GSDMC: variants seen among roughly 807,000 people sequenced by gnomAD.
The protein encoded by GSDMC is gasdermin-C.
Under a neutral mutation model 58.0 loss-of-function variants are expected in GSDMC, and 59 were observed. The ratio of observed to expected loss-of-function variants is 1.02; its 90% CI spans 0.82 to 1.26. The LOEUF is 1.26. GSDMC is among the 50% of genes most tolerant of loss of function. GSDMC has a pLI of 0.00. For synonymous variants in GSDMC, 241 were observed against 220.2 expected (o/e 1.09, Z -0.83); for missense variants, 659 against 598.5 (o/e 1.10, Z -1.06).
chr8:129,713,308 C>G, the GSDMC span, among the ~76,000 whole-genome samples: 1 of 152,324 alleles, frequency 6.6e-6, no homozygotes, highest in Admixed American at 6.5e-5. Context: ...GGTGATGTGA[C>G]TGGCCGTGGG....
the GSDMC span, among the ~76,000 whole-genome samples, chr8:129,712,051 GT>G: frequency 1.3e-5 from 2 of 152,180 alleles, no homozygotes; most frequent in Non-Finnish European, 2.9e-5. Context: ...GAGCCCAGGA[GT>G]TTGAGGCCTG....
At chr8:129,750,911 G>T (rs1286929771) in intron 10 of GSDMC, among the ~76,000 whole-genome samples, 1 of 152,148 alleles carries the variant, frequency 6.6e-6, no homozygotes, top group East Asian at 1.9e-4. Flanking sequence ...GGGCCTTAGA[G>T]GCAAAAAACT....
the GSDMC span, chr8:129,729,206 T>A: frequency 3.1e-6 from 2 of 650,786 alleles, no homozygotes; most frequent in East Asian, 3.1e-5. Flanking sequence ...ATTTAAAAGA[T>A]GGCATTTTGA....
chr8:129,737,421 T>C, the GSDMC span, among the ~76,000 whole-genome samples: 2 of 152,150 alleles, frequency 1.3e-5, no homozygotes, highest in Non-Finnish European at 2.9e-5. Flanking sequence ...CAAAACAGCA[T>C]GGTACTGTTA....
intron 6 of GSDMC, among the ~76,000 whole-genome samples, chr8:129,754,514 GA>G (rs2033352102): frequency 6.6e-6 from 1 of 151,950 alleles, no homozygotes; most frequent in Non-Finnish European, 1.5e-5. Context: ...AGCCTGAGAA[GA>G]CTAAAATAAA....
In GSDMC at chr8:129,748,449, A is replaced by G; in HGVS notation, c.*52T>C. 3.9e-6 allele frequency: 6 copies of G among 1,547,494 alleles called. No individual in the cohort carries two copies. The highest frequency in any genetic ancestry group is 5.2e-6 in the Non-Finnish European group (6 of 1,149,390). The stretch of plus-strand genomic sequence containing the variant: ...TTGCACCCATAAGGACACTCACAGC[A>G]TAGACTGGGCGAGGGCCAGCATCTC... On this transcript the variant is annotated 3_prime_UTR_variant, in exon 14 of 14. Coordinates refer to ENST00000276708, the MANE Select transcript of GSDMC (RefSeq NM_031415.3).
the GSDMC span, among the ~76,000 whole-genome samples, chr8:129,723,482 G>T: frequency 1.5e-5 from 2 of 137,564 alleles, no homozygotes; most frequent in Non-Finnish European, 3.1e-5. Context: ...TGGTCAGATT[G>T]GTCTCGAACT....
chr8:129,714,864 T>C, the GSDMC span, among the ~76,000 whole-genome samples: 6 of 152,188 alleles, frequency 3.9e-5, no homozygotes, highest in Admixed American at 3.9e-4. Context: ...TTGATAAATA[T>C]AGAGATGATT....
the GSDMC span, among the ~76,000 whole-genome samples, chr8:129,742,121 T>A: frequency 1.3e-5 from 2 of 151,936 alleles, no homozygotes; most frequent in African/African-American, 4.8e-5. Flanking sequence ...GGACGGAGGT[T>A]ACCAGATACT....
the GSDMC span, among the ~76,000 whole-genome samples, chr8:129,710,757 GA>G: frequency 1.3e-5 from 2 of 152,170 alleles, no homozygotes; most frequent in African/African-American, 4.8e-5. Context: ...CCTTTTAAGT[GA>G]ATAGGGTCAA....
At chr8:129,717,419 G>A in the GSDMC span, among the ~76,000 whole-genome samples, 7 of 152,072 alleles carry the variant, frequency 4.6e-5, no homozygotes, top group African/African-American at 9.6e-5. Context: ...TATTTGTGTA[G>A]AGGTTTGTAT....
intron 6 of GSDMC, among the ~76,000 whole-genome samples, chr8:129,758,085 A>G (rs1033943472): frequency 6.6e-6 from 1 of 152,264 alleles, no homozygotes; most frequent in African/African-American, 2.4e-5. Flanking sequence ...TCAATGTGAT[A>G]CATTATATCA....
chr8:129,759,252 G>C (rs1006979244), intron 6 of GSDMC, among the ~76,000 whole-genome samples: 1 of 152,070 alleles, frequency 6.6e-6, no homozygotes, highest in Non-Finnish European at 1.5e-5. Context: ...CTCAAACTAT[G>C]AAACTACTAA....
At chr8:129,783,018 T>A (rs1284532240) in intron 1 of GSDMC, among the ~76,000 whole-genome samples, 1 of 152,068 alleles carries the variant, frequency 6.6e-6, no homozygotes, top group Non-Finnish European at 1.5e-5. Context: ...CATGACCAAG[T>A]GGGATTTATC....
At chr8:129,723,318 G>A in the GSDMC span, among the ~76,000 whole-genome samples, 1 of 151,954 alleles carries the variant, frequency 6.6e-6, no homozygotes, top group Non-Finnish European at 1.5e-5. Flanking sequence ...TCGGCTCACT[G>A]CAACCTCTGC....
At chr8:129,762,755 C>T (rs1419803200) in intron 4 of GSDMC, 24 bp from the exon 5 acceptor site, 23 of 1,476,042 alleles carry the variant, frequency 1.6e-5, no homozygotes, top group Non-Finnish European at 2.1e-5. Context: ...CCAGACAATA[C>T]AGTATTAAAT....
chr8:129,759,150 G>A (rs1016285635), intron 6 of GSDMC, among the ~76,000 whole-genome samples: 23 of 152,252 alleles, frequency 1.5e-4, no homozygotes, highest in South Asian at 8.3e-4. Flanking sequence ...GGGAAAACTG[G>A]ATATCCGTAT....
the GSDMC span, among the ~76,000 whole-genome samples, chr8:129,730,825 T>C: frequency 1.3e-5 from 2 of 152,170 alleles, no homozygotes; most frequent in African/African-American, 4.8e-5. Flanking sequence ...GAAATGGGGC[T>C]ACAGGCCGAT....
the GSDMC span, among the ~76,000 whole-genome samples, chr8:129,733,131 G>A: frequency 6.6e-6 from 1 of 152,250 alleles, no homozygotes; most frequent in Non-Finnish European, 1.5e-5. Context: ...CATTGCTGAG[G>A]CTTGAGTAGG....
Sources: allele counts gnomAD v4.1 joint callset (sites outside exome capture counted in the v4.1 genomes callset), GRCh38; gene constraint gnomAD v4.1.1; transcripts MANE v1.5; gene names NCBI Gene and HGNC (gene_info 2026-07-23, HGNC 2026-07-21).